NRAP: variants seen among roughly 807,000 people sequenced by gnomAD.
The protein encoded by NRAP is nebulin related anchoring protein.
In NRAP, 189 loss-of-function variants were observed where a neutral mutation model predicts 225.9. The ratio of observed to expected loss-of-function variants is 0.84; its 90% CI spans 0.74 to 0.94. The LOEUF (loss-of-function observed/expected upper bound fraction) is 0.94, where lower values mean the gene tolerates loss of function less well. Ranked by LOEUF, NRAP falls within the 40% of genes least tolerant of loss-of-function variation. NRAP has a pLI of 0.00. For missense variants in NRAP, 2,176 were observed against 2,168.7 expected, an observed-to-expected ratio of 1.00 and a Z score of -0.07; for synonymous variants, 769 against 790.7, an observed-to-expected ratio of 0.97 and a Z score of 0.46.
chr10:113,618,200 T>C (rs1237678596), intron 25 of NRAP, among the ~76,000 whole-genome samples: 1 of 152,204 alleles, frequency 6.6e-6, no homozygotes, highest in Non-Finnish European at 1.5e-5. Context: ...ATACCCAATT[T>C]TGAAGTATTC....
At chr10:113,642,541 G>A (rs1232822016) in intron 12 of NRAP, among the ~76,000 whole-genome samples, 1 of 152,048 alleles carries the variant, frequency 6.6e-6, no homozygotes, top group Non-Finnish European at 1.5e-5. Flanking sequence ...AATAACATCT[G>A]GCTCTCCAGG....
rs747612809 is a variant in NRAP at position 113,606,234 on chromosome 10, T to C, written c.3751A>G (p.Thr1251Ala). 5.0e-6 allele frequency: 8 copies of C among 1,613,992 alleles called. No individual in the cohort carries two copies. The part of the protein sequence containing the change: ...GEDARHEYTM[T>A]LGLPEFIRAK... ...CGGATGAACTCGGGCAGACCCAGGG[T>C]CATTGTATACTCGTGTCTTGCATCC... Residue 1251 changes from threonine (T) to alanine (A), a missense_variant, in exon 33 of 42, where the codon ACC becomes GCC. By Grantham distance (58) the Thr-to-Ala change is moderately conservative. Coordinates refer to ENST00000359988, the MANE Select transcript of NRAP (RefSeq NM_198060.4).
intron 9 of NRAP, among the ~76,000 whole-genome samples, chr10:113,647,427 C>A (rs1233663014): frequency 1.3e-5 from 2 of 151,970 alleles, no homozygotes; most frequent in Admixed American, 1.3e-4. Context: ...ATGTAGAGAC[C>A]TCCCCCGATG....
At chr10:113,647,151 G>A in intron 9 of NRAP, 124 bp from the exon 10 acceptor site, 1 of 685,982 alleles carries the variant, frequency 1.5e-6, no homozygotes, top group Non-Finnish European at 2.6e-6. Context: ...TTTCACTGAT[G>A]TCCATGTGGT....
At chr10:113,613,116 A>G (rs950349652) in intron 29 of NRAP, among the ~76,000 whole-genome samples, 1 of 151,962 alleles carries the variant, frequency 6.6e-6, no homozygotes, top group African/African-American at 2.4e-5. Context: ...TTGTCCTTCC[A>G]TTGTCTTTCA....
chr10:113,649,168 C>T (rs538511394), intron 9 of NRAP, among the ~76,000 whole-genome samples: 1 of 152,178 alleles, frequency 6.6e-6, no homozygotes, highest in Non-Finnish European at 1.5e-5. Flanking sequence ...TCAAAGGAGT[C>T]CCAACCGACC....
At position 113,645,823 on chromosome 10, in the gene NRAP, A is replaced by T; in HGVS notation, c.1110+2T>A. ...TGGGTGTGACTCTTCCCCCATACGC[A>T]CCTCACTCACGAGTTTGTTTACGCT... On this transcript the variant is annotated splice_donor_variant, in intron 11 of 41. Coordinates refer to ENST00000359988, the MANE Select transcript of NRAP (RefSeq NM_198060.4). LOFTEE classifies it high-confidence loss of function. 2 of 1,486,754 alleles carry T rather than the reference A, an allele frequency of 1.3e-6. No individual in the cohort carries two copies. The highest frequency in any genetic ancestry group is 1.9e-6 in the Non-Finnish European group (2 of 1,068,194). The allele number at this position is 1,486,754 out of a possible 1,614,324, so 92.1% of individuals were successfully genotyped here. A position where few individuals can be genotyped will look rare whatever the true frequency, so the allele number is the denominator to read the frequency against.
chr10:113,620,503 C>G (rs1037769385), intron 25 of NRAP, 101 bp downstream of exon 25: 8 of 863,856 alleles, frequency 9.3e-6, no homozygotes, highest in African/African-American at 1.7e-5. Context: ...TGTGGCTTTG[C>G]CTTTTTCTTT....
At chr10:113,624,735 GAC>G in intron 22 of NRAP, 89 bp downstream of exon 22, 3 of 853,980 alleles carry the variant, frequency 3.5e-6, no homozygotes, top group Non-Finnish European at 5.9e-6. Flanking sequence ...AGTTGATACA[GAC>G]ACTATGCCAT....
intron 4 of NRAP, among the ~76,000 whole-genome samples, chr10:113,656,925 A>C (rs114025041): frequency 2.6e-5 from 4 of 152,160 alleles, no homozygotes; most frequent in Non-Finnish European, 5.9e-5. Context: ...GAATAATGCA[A>C]ATTCTTATGT....
intron 28 of NRAP, among the ~76,000 whole-genome samples, 191 bp from the exon 29 acceptor site, chr10:113,614,487 T>G (rs527835204): frequency 6.6e-6 from 1 of 152,316 alleles, no homozygotes; most frequent in Non-Finnish European, 1.5e-5. Flanking sequence ...GGCTCGGCTG[T>G]GAAATGGCAG....
intron 5 of NRAP, among the ~76,000 whole-genome samples, chr10:113,653,537 A>G (rs1006694839): frequency 3.9e-5 from 6 of 152,352 alleles, no homozygotes; most frequent in Admixed American, 2.0e-4. Context: ...GAGGACTAAC[A>G]GTGTTTTCCA....
intron 39 of NRAP, among the ~76,000 whole-genome samples, chr10:113,591,204 T>C (rs1845966776): frequency 6.6e-6 from 1 of 152,236 alleles, no homozygotes; most frequent in Non-Finnish European, 1.5e-5. Flanking sequence ...CTACTGGTAT[T>C]GTCACTATTG....
At chr10:113,628,000 A>G (rs1848377549) in intron 20 of NRAP, among the ~76,000 whole-genome samples, 1 of 152,134 alleles carries the variant, frequency 6.6e-6, no homozygotes, top group Admixed American at 6.5e-5. Context: ...CTTGGCCCTG[A>G]AACAAGAATC....
chr10:113,660,901 GGC>G (rs1850633737), intron 3 of NRAP, among the ~76,000 whole-genome samples: 1 of 152,122 alleles, frequency 6.6e-6, no homozygotes, highest in African/African-American at 2.4e-5. Context: ...GGGTAAACTA[GGC>G]AGGTTACTTA....
At chr10:113,616,096 G>A (rs1337114965) in intron 26 of NRAP, among the ~76,000 whole-genome samples, 2 of 152,146 alleles carry the variant, frequency 1.3e-5, no homozygotes, top group African/African-American at 4.8e-5. Flanking sequence ...ATGAGAAAAC[G>A]AGGTTTACTT....
intron 11 of NRAP, among the ~76,000 whole-genome samples, chr10:113,644,941 GT>G (rs1343958675): frequency 6.6e-6 from 1 of 152,192 alleles, no homozygotes; most frequent in Non-Finnish European, 1.5e-5. Context: ...GGAAAATGCC[GT>G]GAAGAACACA....
chr10:113,625,291 C>A (rs1360589626), intron 21 of NRAP, among the ~76,000 whole-genome samples: 1 of 152,168 alleles, frequency 6.6e-6, no homozygotes, highest in Non-Finnish European at 1.5e-5. Context: ...TACAGACTCC[C>A]CAGGTGGGAA....
intron 11 of NRAP, among the ~76,000 whole-genome samples, chr10:113,645,617 A>G (rs1188843822): frequency 1.3e-5 from 2 of 152,106 alleles, no homozygotes; most frequent in African/African-American, 4.8e-5. Context: ...GGGTTTCTCC[A>G]TGTTAGTCAG....
Sources: gnomAD v4.1 joint callset for allele counts (sites outside exome capture counted in the v4.1 genomes callset) on GRCh38, gnomAD v4.1.1 for gene constraint, MANE v1.5 for transcripts, NCBI Gene and HGNC (gene_info 2026-07-23, HGNC 2026-07-21) for gene names.